Variants in TMEM204 observed in about 807,000 individuals in gnomAD.
TMEM204 encodes the protein claudin-like protein 24.
Under a neutral mutation model 19.4 loss-of-function variants are expected in TMEM204, and 15 were observed. That is an observed-to-expected ratio of 0.77 (90% CI 0.52 to 1.19). The LOEUF is 1.19. TMEM204 is among the 50% of genes most tolerant of loss of function. The pLI is 0.00. For missense variants in TMEM204, 287 were observed against 321.2 expected (o/e 0.89, Z 0.81); for synonymous variants, 161 against 146.0 (o/e 1.10, Z -0.74).
chr16:1,554,333 T>C (rs915443657), intron 2 of TMEM204, among the ~76,000 whole-genome samples: 2 of 152,212 alleles, frequency 1.3e-5, no homozygotes, highest in Non-Finnish European at 2.9e-5. Context: ...TTGAATGAAT[T>C]AAGCATTTAC....
chr16:1,552,648 C>CT (rs11409894), intron 2 of TMEM204, among the ~76,000 whole-genome samples: 41,488 of 127,554 alleles, frequency 0.33, 7,686 homozygotes, highest in African/African-American at 0.47. Context: ...AAAGAGAATG[C>CT]TTTTTTTTTT....
At chr16:1,544,392 C>G (rs532737164) in intron 2 of TMEM204, among the ~76,000 whole-genome samples, 2 of 151,794 alleles carry the variant, frequency 1.3e-5, no homozygotes, top group Admixed American at 6.6e-5. Context: ...TCACTATGTT[C>G]GCCAGGATGG....
intron 1 of TMEM204, among the ~76,000 whole-genome samples, chr16:1,537,221 C>T (rs1054626224): frequency 2.6e-5 from 4 of 151,404 alleles, no homozygotes; most frequent in African/African-American, 4.8e-5. Flanking sequence ...TGCCTCCTCA[C>T]GCAGGCCAGG....
intron 1 of TMEM204, among the ~76,000 whole-genome samples, chr16:1,535,629 C>T (rs377336574): frequency 1.3e-5 from 2 of 152,340 alleles, no homozygotes; most frequent in East Asian, 3.9e-4. Flanking sequence ...ACCTGCCGCG[C>T]TCAGAACCCT....
At position 1,555,510 on chromosome 16, in the gene TMEM204, G is replaced by C. The variant is rs951775163; in HGVS notation, c.*484G>C. ...GTTAGTGATGGTTTCAGACAGAATC[G>C]TGTTCGTGTCTGTTTTGCTCGATTC... On this transcript the variant is annotated 3_prime_UTR_variant, in exon 3 of 3. Coordinates refer to ENST00000566264, the MANE Select transcript of TMEM204 (RefSeq NM_024600.6). 1 of 161,198 alleles carries C rather than the reference G, an allele frequency of 6.2e-6. No individual in the cohort carries two copies. The highest frequency in any genetic ancestry group is 2.4e-5 in the African/African-American group (1 of 41,542). 10.0% of individuals were successfully genotyped at this position (161,198 alleles called of 1,614,324 possible).
chr16:1,542,665 G>A (rs952283507), intron 2 of TMEM204, among the ~76,000 whole-genome samples: 2 of 152,268 alleles, frequency 1.3e-5, no homozygotes, highest in Non-Finnish European at 2.9e-5. Context: ...ACGCTAGCAC[G>A]TTCCACACTG....
chr16:1,534,643 TG>T (rs993541651), intron 1 of TMEM204, 88 bp downstream of exon 1: 18 of 1,559,644 alleles, frequency 1.2e-5, no homozygotes, highest in Non-Finnish European at 1.6e-5. Flanking sequence ...GGTGAGCGGG[TG>T]GGGAGGCCTG....
At chr16:1,544,347 C>A (rs1391976581) in intron 2 of TMEM204, among the ~76,000 whole-genome samples, 2 of 151,134 alleles carry the variant, frequency 1.3e-5, no homozygotes, top group East Asian at 3.9e-4. Context: ...CCATGCCCGG[C>A]TAATTTTTTT....
intron 2 of TMEM204, among the ~76,000 whole-genome samples, chr16:1,546,842 C>G (rs2032217741): frequency 6.6e-6 from 1 of 152,228 alleles, no homozygotes; most frequent in Non-Finnish European, 1.5e-5. Context: ...TGAGTCATAT[C>G]TTCAATGGGC....
rs74002406 is a variant in TMEM204, at chr16:1,554,261, C to A, written c.437-521C>A. 375 of 512,182 alleles carry A rather than the reference C, an allele frequency of 7.3e-4. 3 individuals are homozygous for A. The African/African-American group carries it at 7.4e-3, about 10-fold the overall frequency. The allele number at this position is 512,182 out of a possible 1,614,324, so 31.7% of individuals were successfully genotyped here. A position where few individuals can be genotyped will look rare whatever the true frequency, so the allele number is the denominator to read the frequency against. ...AGCAAGAAAACTGTCAGAAGCATAG[C>A]TCTGGGCGCGATGAGCACCAAACTG... On this transcript the variant is annotated intron_variant, in intron 2 of 2. Transcript: ENST00000566264.
intron 2 of TMEM204, among the ~76,000 whole-genome samples, chr16:1,543,853 TCGGAAATG>T (rs2031893968): frequency 6.6e-6 from 1 of 152,106 alleles, no homozygotes; most frequent in East Asian, 1.9e-4. Context: ...CGTGCAGGAA[TCGGAAATG>T]CCGTGGCTTA....
At chr16:1,546,218 G>A (rs1472241985) in intron 2 of TMEM204, among the ~76,000 whole-genome samples, 2 of 152,244 alleles carry the variant, frequency 1.3e-5, no homozygotes, top group Non-Finnish European at 2.9e-5. Flanking sequence ...GCCACAGCAT[G>A]ACCCTGGCAC....
chr16:1,542,164 T>G (rs1596332093), intron 2 of TMEM204, 88 bp downstream of exon 2: 1 of 1,398,526 alleles, frequency 7.2e-7, no homozygotes, highest in Admixed American at 2.8e-5. Flanking sequence ...TTGGGTGGCC[T>G]GGGGGGAAGC....
At chr16:1,543,187 C>T (rs1318936203) in intron 2 of TMEM204, among the ~76,000 whole-genome samples, 2 of 152,252 alleles carry the variant, frequency 1.3e-5, no homozygotes, top group East Asian at 1.9e-4. Flanking sequence ...CGGAGCTGCC[C>T]GCACCCTCCT....
chr16:1,542,182 C>T, intron 2 of TMEM204, 106 bp downstream of exon 2: 1 of 1,282,898 alleles, frequency 7.8e-7, no homozygotes, highest in Non-Finnish European at 1.0e-6. Context: ...AGCTGCAGGC[C>T]ATACCTCTCA....
rs2141387262 is a variant in TMEM204 at position 1,551,708 on chromosome 16, T to G, written c.437-3074T>G. Among the ~76,000 whole-genome samples, 1 of 152,276 alleles carries G rather than the reference T, an allele frequency of 6.6e-6. No individual in the cohort carries two copies. The highest frequency in any genetic ancestry group is 2.1e-4 in the South Asian group (1 of 4,822). ...GGAAGAGCCTAAGATCAGCGGCACTTCAGTCTTCTACGGGGTTTTGTTGGG... is the reference window on the plus strand; with the variant it reads ...GGAAGAGCCTAAGATCAGCGGCACTGCAGTCTTCTACGGGGTTTTGTTGGG... On this transcript the variant is annotated intron_variant, in intron 2 of 2. Transcript: ENST00000566264. The surrounding 1 kb of genome is among the most constrained non-coding windows in gnomAD (Gnocchi z 4.0).
rs1049994828 is a variant in TMEM204, at chr16:1,551,883, C to T, written c.437-2899C>T. 9.2e-5 allele frequency among the ~76,000 whole-genome samples: 14 copies of T among 152,100 alleles called. No individual in the cohort carries two copies. Among genetic ancestry groups the T allele is most frequent in the Non-Finnish European group, 1.5e-4 (10 of 68,006 alleles). On this transcript the variant is annotated intron_variant, in intron 2 of 2. Coordinates refer to ENST00000566264, the MANE Select transcript of TMEM204 (RefSeq NM_024600.6). The surrounding 1 kb of genome is among the most constrained non-coding windows in gnomAD (Gnocchi z 4.0). The stretch of plus-strand genomic sequence containing the variant: ...TTTTCCTAGAAAGCCACTGTAAATC[C>T]GAGCTGTGCACTCAGAAGCCTCCCG...
intron 1 of TMEM204, among the ~76,000 whole-genome samples, chr16:1,540,585 C>T (rs1358615688): frequency 6.6e-6 from 1 of 152,230 alleles, no homozygotes; most frequent in Non-Finnish European, 1.5e-5. Flanking sequence ...CATTCTGCTG[C>T]TCCCTGGATT....
In TMEM204 at chr16:1,553,406, C is replaced by G; in HGVS notation, c.437-1376C>G. ...GCATGATTTGGTTTCCTGGGGAATGCAGGGGAGGCGGTTGGGAGTGGAGAG... is the reference window on the plus strand; with the variant it reads ...GCATGATTTGGTTTCCTGGGGAATGGAGGGGAGGCGGTTGGGAGTGGAGAG... On this transcript the variant is annotated intron_variant, in intron 2 of 2. Coordinates refer to ENST00000566264, the MANE Select transcript of TMEM204 (RefSeq NM_024600.6). The surrounding 1 kb of genome is among the most constrained non-coding windows in gnomAD (Gnocchi z 4.4). 1 of 985,376 alleles carries G rather than the reference C, an allele frequency of 1.0e-6. No individual in the cohort carries two copies. Among genetic ancestry groups the G allele is most frequent in the African/African-American group, 1.7e-5 (1 of 57,326 alleles). 61.0% of individuals were successfully genotyped at this position (985,376 alleles called of 1,614,324 possible). A position where few individuals can be genotyped will look rare whatever the true frequency, so the allele number is the denominator to read the frequency against.
Sources: allele counts gnomAD v4.1 joint callset (sites outside exome capture counted in the v4.1 genomes callset), GRCh38; gene constraint gnomAD v4.1.1; non-coding constraint Gnocchi (gnomAD v3.1); transcripts MANE v1.5; gene names NCBI Gene and HGNC (gene_info 2026-07-23, HGNC 2026-07-21).